SRPK3: variants seen among roughly 807,000 people sequenced by gnomAD.
SRPK3 encodes the protein SRSF protein kinase 3.
SRPK3 carries 26 observed loss-of-function variants against 45.3 expected under a neutral mutation model. The ratio of observed to expected loss-of-function variants is 0.57; its 90% CI spans 0.42 to 0.80. The LOEUF (loss-of-function observed/expected upper bound fraction) is 0.80. Among genes scored for constraint, SRPK3 ranks in the 30% least tolerant of loss-of-function variants. The pLI is 0.00. For missense variants in SRPK3, 536 were observed against 514.5 expected (o/e 1.04, Z -0.40); for synonymous variants, 254 against 226.6 (o/e 1.12, Z -1.09).
rs1557068143 is a variant in SRPK3, at chrX:153,784,276, C to G, written c.1148-18C>G. On this transcript the variant is annotated intron_variant, in intron 10 of 14. Transcript: ENST00000370101. ...CAGTAGTCGGACCACTTCAGTCTCCCTGCTCTGCCTTCCCCAGCACCATTC... is the reference window on the plus strand; with the variant it reads ...CAGTAGTCGGACCACTTCAGTCTCCGTGCTCTGCCTTCCCCAGCACCATTC... 2.5e-6 allele frequency: 3 copies of G among 1,210,040 alleles called. No individual in the cohort carries two copies. Among genetic ancestry groups the G allele is most frequent in the Admixed American group, 4.4e-5 (2 of 45,944 alleles).
chrX:153,782,967 G>T lies in SRPK3; in HGVS notation c.597G>T (p.Leu199=). ...ACTCTCTGCAGGTGCTGCACGGCCT[G>T]GACTACCTCCACACCAAGTGCAAGA... ...KSIVRQVLHG[L]DYLHTKCKII... The change falls in exon 7 of 15, where the codon CTG becomes CTT. Residue 199 remains leucine (L), a synonymous_variant. Coordinates refer to ENST00000370101, the MANE Select transcript of SRPK3 (RefSeq NM_014370.4). The T allele has an allele frequency of 8.5e-7, 1 of 1,182,719 alleles. No individual in the cohort carries two copies. Among genetic ancestry groups the T allele is most frequent in the Middle Eastern group, 2.4e-4 (1 of 4,187 alleles).
rs370786271 is a variant in SRPK3 at position 153,784,721 on chromosome X, C to A, written c.1249-29C>A. 55 of 1,204,421 alleles carry A rather than the reference C, an allele frequency of 4.6e-5. No individual in the cohort carries two copies. In the African/African-American group the frequency reaches 7.8e-4, roughly 17 times the overall value. ...GGGGGCAGGACAGCCTTGGCCCCAG[C>A]CCGTCCCCAGGGCTCCCCTTGCTTC... is the stretch of plus-strand genomic sequence containing the variant. On this transcript the variant is annotated intron_variant, in intron 11 of 14. Transcript: ENST00000370101.
chrX:153,784,076 C>T lies in SRPK3; in HGVS notation c.1010C>T (p.Ala337Val). The change falls in exon 10 of 15, where the codon GCC becomes GTC. Residue 337 changes from alanine (A) to valine (V), a missense_variant. Physicochemically the swap from Ala to Val is moderately conservative, Grantham distance 64 (BLOSUM62 0). Transcript: ENST00000370101. ...CCCTCCCCAGCCTCTTCCTCCCCCG[C>T]CCCAGGGGGCGGCCGTAGCCTCAGC... is the stretch of plus-strand genomic sequence containing the variant. ...AGPSPASSSP[A>V]PGGGRSLSAG... 8.3e-7 allele frequency: 1 copy of T among 1,210,486 alleles called. No homozygotes were observed. Among genetic ancestry groups the T allele is most frequent in the Non-Finnish European group, 1.1e-6 (1 of 895,191 alleles).
In SRPK3 at chrX:153,784,821, C is replaced by T. The variant is rs372340765; in HGVS notation, c.1320C>T (p.Tyr440=). ...TCGAGGTGCTGATCGGCGCCGAATA[C>T]GGCCCCCCGGCAGACATCTGGAGCA... ...RAVEVLIGAE[Y]GPPADIWSTA... Residue 440 remains tyrosine (Y), a synonymous_variant, in exon 12 of 15, where the codon TAC becomes TAT. Coordinates refer to ENST00000370101, the MANE Select transcript of SRPK3 (RefSeq NM_014370.4). 33 of 1,210,512 alleles carry T rather than the reference C, an allele frequency of 2.7e-5. No homozygotes were observed. Among genetic ancestry groups the T allele is most frequent in the East Asian group, 2.7e-4 (9 of 33,811 alleles).
Position 153,784,345 on chromosome X carries a change from C to T in SRPK3, c.1199C>T (p.Ala400Val), listed in dbSNP as rs1557068187. ...LLVNPLEPQNADKIKIKIADL... is the reference protein window; with the variant it reads ...LLVNPLEPQNVDKIKIKIADL... ...GTGAACCCCCTGGAGCCCCAAAATGCAGATAAGATCAAGATCAAGATCGCA... is the reference window on the plus strand; with the variant it reads ...GTGAACCCCCTGGAGCCCCAAAATGTAGATAAGATCAAGATCAAGATCGCA... The change falls in exon 11 of 15, where the codon GCA (alanine) becomes GTA (valine). Residue 400 changes from alanine to valine, a missense_variant. Physicochemically the swap from Ala to Val is moderately conservative, Grantham distance 64. Transcript: ENST00000370101. The T allele has an allele frequency of 1.7e-6, 2 of 1,211,476 alleles. No homozygotes were observed. The highest frequency in any genetic ancestry group is 3.5e-5 in the South Asian group (2 of 57,030).
chrX:153,781,471 C>G (rs1344942396), intron 2 of SRPK3, 34 bp from the exon 3 acceptor site: 2 of 1,190,536 alleles, frequency 1.7e-6, no homozygotes, highest in African/African-American at 3.5e-5. Context: ...GAGTGAGAAC[C>G]CCCTCCACCC....
At chrX:153,782,060 A>G in intron 4 of SRPK3, 61 bp from the exon 5 acceptor site, 1 of 1,070,612 alleles carries the variant, frequency 9.3e-7, no homozygotes, top group East Asian at 3.0e-5. Flanking sequence ...GGTACACTGA[A>G]GGGAGCTGTG....
chrX:153,781,399 G>A, intron 2 of SRPK3, 53 bp downstream of exon 2: 1 of 1,170,939 alleles, frequency 8.5e-7, no homozygotes. Flanking sequence ...AGGGACCCAG[G>A]GCAGTCCTGG....
rs1557068779 is a variant in SRPK3 at position 153,785,490 on chromosome X, C to T, written c.1674C>T (p.Asp558=). 2 of 1,210,024 alleles carry T rather than the reference C, an allele frequency of 1.7e-6. No individual in the cohort carries two copies. Among genetic ancestry groups the T allele is most frequent in the Admixed American group, 2.2e-5 (1 of 46,104 alleles). The change falls in exon 15 of 15, where the codon GAC becomes GAT. Residue 558 remains aspartate (D), a synonymous_variant. Transcript: ENST00000370101. ...CCGAAAAGCGGGCCAGTGCCGCTGA[C>T]TGCCTCCAGCACCCCTGGCTCAACC... ...YIPEKRASAA[D]CLQHPWLNP
At position 153,781,426 on chromosome X, in the gene SRPK3, T is replaced by C. The variant is rs1557066814; in HGVS notation, c.191-79T>C. The C allele has an allele frequency of 1.3e-5, 15 of 1,173,422 alleles. No individual in the cohort carries two copies. The Middle Eastern group carries it at 1.7e-3, about 133-fold the overall frequency. On this transcript the variant is annotated intron_variant, in intron 2 of 14. Transcript: ENST00000370101. Reference sequence around the variant, plus strand: ...CAGTCCTGGGCCCACATGGGCCAGATGGTCAATGGGGCCGAGGTGTTCGGG... The same window carrying C: ...CAGTCCTGGGCCCACATGGGCCAGACGGTCAATGGGGCCGAGGTGTTCGGG...
Position 153,783,202 on chromosome X carries a change from A to T in SRPK3, c.749-24A>T, listed in dbSNP as rs2314343. 98 of 968,719 alleles carry T rather than the reference A, an allele frequency of 1.0e-4. No individual in the cohort carries two copies. The African/African-American group carries it at 1.6e-3, about 16-fold the overall frequency. 79.8% of individuals were successfully genotyped at this position (968,719 alleles called of 1,213,427 possible). A position where few individuals can be genotyped will look rare whatever the true frequency, so the allele number is the denominator to read the frequency against. On this transcript the variant is annotated intron_variant, in intron 7 of 14. Coordinates refer to ENST00000370101, the MANE Select transcript of SRPK3 (RefSeq NM_014370.4). Reference sequence around the variant, plus strand: ...TCTCTGTTCCTCCCTGTCCCCCCCCACCGCTCCCCACCTGCACTCCCAGTC... The same window carrying T: ...TCTCTGTTCCTCCCTGTCCCCCCCCTCCGCTCCCCACCTGCACTCCCAGTC...
Position 153,782,164 on chromosome X carries a change from T to C in SRPK3, c.431T>C (p.Val144Ala). Residue 144 changes from valine to alanine, a missense_variant, in exon 5 of 15, where the codon GTC (valine) becomes GCC (alanine). Transcript: ENST00000370101. ...AGTGACCCCAAAAGAGAGACCATTG[T>C]CCAGCTCATTGATGACTTCAGGATC... The part of the protein sequence containing the change: ...DPSDPKRETI[V>A]QLIDDFRISG... The C allele has an allele frequency of 8.3e-7, 1 of 1,211,264 alleles. No homozygotes were observed. Among genetic ancestry groups the C allele is most frequent in the Non-Finnish European group, 1.1e-6 (1 of 895,291 alleles).
At chrX:153,781,691 C>G (rs1012389238) in intron 3 of SRPK3, 52 bp from the exon 4 acceptor site, 1 of 1,204,222 alleles carries the variant, frequency 8.3e-7, no homozygotes, top group East Asian at 3.0e-5. Context: ...CACCCTGATC[C>G]CCGCCGTGGG....
In SRPK3 at chrX:153,784,074, C is replaced by G. The variant is rs144974869; in HGVS notation, c.1008C>G (p.Pro336=). Residue 336 remains proline (P), a synonymous_variant, in exon 10 of 15, where the codon CCC becomes CCG. Transcript: ENST00000370101. The part of the protein sequence containing the change: ...RAGPSPASSS[P]APGGGRSLSA... ...GTCCCTCCCCAGCCTCTTCCTCCCC[C>G]GCCCCAGGGGGCGGCCGTAGCCTCA... 19 of 1,208,979 alleles carry G rather than the reference C, an allele frequency of 1.6e-5. No individual in the cohort carries two copies. The East Asian group carries it at 5.0e-4, about 32-fold the overall frequency.
chrX:153,783,095 C>T lies in SRPK3; in HGVS notation c.725C>T (p.Ala242Val), dbSNP rs782144135. The change falls in exon 7 of 15, where the codon GCG becomes GTG. Residue 242 changes from alanine to valine, a missense_variant. By Grantham distance (64) the Ala-to-Val change is moderately conservative. Coordinates refer to ENST00000370101, the MANE Select transcript of SRPK3 (RefSeq NM_014370.4). The part of the protein sequence containing the change: ...AEATEWQQAG[A>V]PPPSRSIVST... ...GCCACGGAGTGGCAACAGGCAGGGG[C>T]GCCGCCCCCCTCCCGCTCCATAGGT... 6.9e-6 allele frequency: 8 copies of T among 1,164,709 alleles called. No homozygotes were observed. Among genetic ancestry groups the T allele is most frequent in the Admixed American group, 5.2e-5 (2 of 38,833 alleles).
At position 153,784,828 on chromosome X, in the gene SRPK3, C is replaced by G. The variant is rs2092075887; in HGVS notation, c.1327C>G (p.Pro443Ala). ...GCTGATCGGCGCCGAATACGGCCCCCCGGCAGACATCTGGAGCACAGCCTG... is the reference window on the plus strand; with the variant it reads ...GCTGATCGGCGCCGAATACGGCCCCGCGGCAGACATCTGGAGCACAGCCTG... ...EVLIGAEYGP[P>A]ADIWSTACMA... Residue 443 changes from proline to alanine, a missense_variant, in exon 12 of 15, where the codon CCG becomes GCG. By Grantham distance (27) the Pro-to-Ala change is conservative. Transcript: ENST00000370101. The G allele has an allele frequency of 8.3e-7, 1 of 1,211,509 alleles. No homozygotes were observed. The highest frequency in any genetic ancestry group is 3.0e-5 in the East Asian group (1 of 33,866).
Position 153,782,104 on chromosome X carries a change from C to A in SRPK3, c.388-17C>A. On this transcript the variant is annotated splice_polypyrimidine_tract_variant and intron_variant, in intron 4 of 14. Coordinates refer to ENST00000370101, the MANE Select transcript of SRPK3 (RefSeq NM_014370.4). ...GGCAGGGTGGAACCATCTGTGGCCC[C>A]TTGGCTTTTGCTCCAGGTCCGGGAC... The A allele has an allele frequency of 8.3e-7, 1 of 1,205,293 alleles. No homozygotes were observed. The highest frequency in any genetic ancestry group is 1.1e-6 in the Non-Finnish European group (1 of 889,687).
chrX:153,781,592 T>C lies in SRPK3; in HGVS notation c.278T>C (p.Val93Ala). 8.3e-7 allele frequency: 1 copy of C among 1,210,883 alleles called. No homozygotes were observed. Among genetic ancestry groups the C allele is most frequent in the South Asian group, 1.8e-5 (1 of 56,978 alleles). ...CTGGGCTGGGGCCACTTCTCCACCG[T>C]CTGGCTCTGCTGGGACATCCAGTGA... ...RKLGWGHFST[V>A]WLCWDIQRKR... Residue 93 changes from valine (V) to alanine (A), a missense_variant, in exon 3 of 15, where the codon GTC becomes GCC. By Grantham distance (64) the Val-to-Ala change is moderately conservative. Transcript: ENST00000370101.
chrX:153,782,590 C>G (rs868934916), intron 5 of SRPK3, among the ~76,000 whole-genome samples, 182 bp from the exon 6 acceptor site: 11 of 113,351 alleles, frequency 9.7e-5, no homozygotes, highest in African/African-American at 3.2e-4. Flanking sequence ...ACTGGCATAC[C>G]TGTTGAGACT....
Sources: gnomAD v4.1 joint callset for allele counts (sites outside exome capture counted in the v4.1 genomes callset) on GRCh38, gnomAD v4.1.1 for gene constraint, MANE v1.5 for transcripts, NCBI Gene and HGNC (gene_info 2026-07-23, HGNC 2026-07-21) for gene names.